HTR1F: variants seen among roughly 807,000 people sequenced by gnomAD.
HTR1F encodes the protein 5-hydroxytryptamine (serotonin) receptor 1F, G protein-coupled.
In HTR1F, 17 loss-of-function variants were observed where a neutral mutation model predicts 24.0. The ratio of observed to expected loss-of-function variants is 0.71; its 90% CI spans 0.48 to 1.06. HTR1F has a LOEUF of 1.06. HTR1F is among the 50% of genes least tolerant of loss of function. The pLI is 0.00. For missense variants in HTR1F, 391 were observed against 427.8 expected, an observed-to-expected ratio of 0.91 and a Z score of 0.76; for synonymous variants, 186 against 156.8, an observed-to-expected ratio of 1.19 and a Z score of -1.39.
chr3:87,873,160 G>T (rs148494678), intron 2 of HTR1F, among the ~76,000 whole-genome samples: 1 of 149,536 alleles, frequency 6.7e-6, no homozygotes, highest in East Asian at 2.0e-4. Flanking sequence ...TTTATTATAA[G>T]AATTGGTTCA....
chr3:87,839,903 CA>C (rs1187978567), intron 2 of HTR1F, among the ~76,000 whole-genome samples: 16 of 152,130 alleles, frequency 1.1e-4, no homozygotes, highest in African/African-American at 3.9e-4. Context: ...TAATGGTTTC[CA>C]GCTGCATCCA....
At chr3:87,849,882 G>C (rs978564911) in intron 2 of HTR1F, among the ~76,000 whole-genome samples, 1 of 151,930 alleles carries the variant, frequency 6.6e-6, no homozygotes, top group Admixed American at 6.6e-5. Flanking sequence ...GGCCATCAGA[G>C]AAATGTAAAT....
chr3:87,897,928 T>C (rs1165466993), intron 2 of HTR1F, among the ~76,000 whole-genome samples: 1 of 152,124 alleles, frequency 6.6e-6, no homozygotes, highest in African/African-American at 2.4e-5. Context: ...TATGTTATAA[T>C]TGGATTATAT....
chr3:87,815,997 T>C (rs146601957), intron 1 of HTR1F, among the ~76,000 whole-genome samples: 144 of 152,196 alleles, frequency 9.5e-4, no homozygotes, highest in African/African-American at 3.3e-3. Context: ...AATGCACTAG[T>C]TTAGATTCAT....
chr3:87,987,745 A>T (rs1337441725), intron 2 of HTR1F, among the ~76,000 whole-genome samples: 4 of 140,656 alleles, frequency 2.8e-5, no homozygotes, highest in Non-Finnish European at 4.6e-5. Flanking sequence ...TATATATATA[A>T]AATATATGTA....
intron 2 of HTR1F, among the ~76,000 whole-genome samples, chr3:87,927,686 A>G (rs1224404371): frequency 6.6e-6 from 1 of 152,194 alleles, no homozygotes; most frequent in African/African-American, 2.4e-5. Context: ...ACCTCTACAA[A>G]TACCAATCAA....
chr3:87,864,508 G>A (rs1458841852), intron 2 of HTR1F, among the ~76,000 whole-genome samples: 3 of 152,100 alleles, frequency 2.0e-5, no homozygotes, highest in African/African-American at 7.2e-5. Context: ...CCCAAACTCT[G>A]TCCTCAGGTT....
intron 2 of HTR1F, among the ~76,000 whole-genome samples, chr3:87,844,287 A>G (rs1704884235): frequency 6.6e-6 from 1 of 150,882 alleles, no homozygotes; most frequent in Non-Finnish European, 1.5e-5. Flanking sequence ...AGTGATGGTG[A>G]GCATTTTTTC....
At position 87,991,118 on chromosome 3, in the gene HTR1F, A is replaced by G. The variant is rs772090964; in HGVS notation, c.369A>G (p.Arg123=). The change falls in exon 3 of 3, where the codon CGA becomes CGG. Residue 123 remains arginine (R), a synonymous_variant. Transcript: ENST00000319595. ...HLSAIALDRY[R]AITDAVEYAR... ...CAGCTATAGCTTTGGATCGGTATCG[A>G]GCAATCACAGATGCTGTTGAGTATG... 8.7e-6 allele frequency: 14 copies of G among 1,613,900 alleles called. No individual in the cohort carries two copies. The African/African-American group carries it at 1.9e-4, about 22-fold the overall frequency.
chr3:87,803,797 C>T (rs1432250876), intron 1 of HTR1F, among the ~76,000 whole-genome samples: 1 of 152,134 alleles, frequency 6.6e-6, no homozygotes, highest in Non-Finnish European at 1.5e-5. Flanking sequence ...TCCATGAGTA[C>T]AATCATAGTA....
chr3:87,809,649 G>A (rs1704128601), intron 1 of HTR1F, among the ~76,000 whole-genome samples: 1 of 151,902 alleles, frequency 6.6e-6, no homozygotes, highest in Non-Finnish European at 1.5e-5. Context: ...TATTGTATCT[G>A]ATTGCTAGAG....
intron 2 of HTR1F, among the ~76,000 whole-genome samples, chr3:87,957,530 A>T (rs1704971165): frequency 6.6e-6 from 1 of 151,318 alleles, no homozygotes; most frequent in Non-Finnish European, 1.5e-5. Flanking sequence ...TTAAATTTAT[A>T]TTGCTTCTTT....
chr3:87,864,721 C>A (rs1705386118), intron 2 of HTR1F, among the ~76,000 whole-genome samples: 1 of 151,942 alleles, frequency 6.6e-6, no homozygotes, highest in East Asian at 1.9e-4. Context: ...CATGGTGAAA[C>A]ACCGTCTCTA....
intron 2 of HTR1F, among the ~76,000 whole-genome samples, chr3:87,964,671 A>C (rs1705127272): frequency 6.6e-6 from 1 of 152,222 alleles, no homozygotes; most frequent in Non-Finnish European, 1.5e-5. Flanking sequence ...GGGAAAGAAG[A>C]GCAAAGAAAA....
rs1705801500 is a variant in HTR1F at position 87,990,719 on chromosome 3, T to G, written c.-31T>G. The G allele has an allele frequency of 6.5e-7, 1 of 1,541,630 alleles. No individual in the cohort carries two copies. Among genetic ancestry groups the G allele is most frequent in the Non-Finnish European group, 8.9e-7 (1 of 1,124,306 alleles). ...TTCCCTTGTTACAGGTATCCATTTT[T>G]CAGCTATATTAATCTTTTAAAACAA... On this transcript the variant is annotated 5_prime_UTR_variant, in exon 3 of 3. Coordinates refer to ENST00000319595, the MANE Select transcript of HTR1F (RefSeq NM_001322209.2).
chr3:87,849,254 A>G (rs1313488302), intron 2 of HTR1F, among the ~76,000 whole-genome samples: 4 of 151,886 alleles, frequency 2.6e-5, no homozygotes, highest in Non-Finnish European at 5.9e-5. Flanking sequence ...TGGTACCAAA[A>G]CAGAGATATA....
At chr3:87,832,586 C>G (rs555348451) in intron 2 of HTR1F, among the ~76,000 whole-genome samples, 1 of 152,230 alleles carries the variant, frequency 6.6e-6, no homozygotes, top group African/African-American at 2.4e-5. Context: ...CCTCAGCCTC[C>G]CAAAGTGCAG....
intron 2 of HTR1F, among the ~76,000 whole-genome samples, chr3:87,973,275 G>C (rs1282138978): frequency 6.6e-6 from 1 of 152,148 alleles, no homozygotes; most frequent in South Asian, 2.1e-4. Context: ...GGTATGTAAA[G>C]AGCTTCCTTT....
In HTR1F at chr3:87,971,415, C is replaced by G. The variant is rs1705283478; in HGVS notation, c.-42-19293C>G. Among the ~76,000 whole-genome samples the G allele has an allele frequency of 2.0e-5, 3 of 151,938 alleles. No individual in the cohort carries two copies. The South Asian group carries it at 6.2e-4, about 32-fold the overall frequency. ...AAACCCCGTTTCTACAAAAATTAGC[C>G]AGGTGTGCTGGGGAGTGCCTGTAAT... On this transcript the variant is annotated intron_variant, in intron 2 of 2. Coordinates refer to ENST00000319595, the MANE Select transcript of HTR1F (RefSeq NM_001322209.2).
Sources: gnomAD v4.1 joint callset for allele counts (sites outside exome capture counted in the v4.1 genomes callset) on GRCh38, gnomAD v4.1.1 for gene constraint, MANE v1.5 for transcripts, NCBI Gene and HGNC (gene_info 2026-07-23, HGNC 2026-07-21) for gene names.